Variants in TMEM81 observed in about 807,000 individuals in gnomAD.
TMEM81 encodes the protein transmembrane protein 81.
For missense variants in TMEM81, 294 were observed against 300.5 expected (o/e 0.98, Z 0.16); for synonymous variants, 132 against 119.1 (o/e 1.11, Z -0.71).
chr1:205,084,072 G>C lies in TMEM81; in HGVS notation c.249C>G (p.Thr83=). ...KCQTRRLECL[T]NWICGMLHFT... is the part of the protein sequence containing the mutation. The stretch of plus-strand genomic sequence containing the variant: ...AATGGAGCATCCCACAGATCCAGTT[G>C]GTCAGACATTCTAAGCGCCGAGTCT... The change falls in exon 1 of 1, where the codon ACC becomes ACG. Residue 83 remains threonine (T), a synonymous_variant. Transcript: ENST00000367167. 6.2e-7 allele frequency: 1 copy of C among 1,614,166 alleles called. No homozygotes were observed. The highest frequency in any genetic ancestry group is 8.5e-7 in the Non-Finnish European group (1 of 1,180,028).
At position 205,083,438 on chromosome 1, in the gene TMEM81, A is replaced by G. The variant is rs199577492; in HGVS notation, c.*115T>C. On this transcript the variant is annotated 3_prime_UTR_variant, in exon 1 of 1. Transcript: ENST00000367167. ...TCCCACTCATTCTTTTGGCTGTGGG[A>G]GTGTTCCCTCTAAGCTGATCCACTA... 1 of 1,188,090 alleles carries G rather than the reference A, an allele frequency of 8.4e-7. No individual in the cohort carries two copies. Among genetic ancestry groups the G allele is most frequent in the Non-Finnish European group, 1.2e-6 (1 of 853,784 alleles). The allele number at this position is 1,188,090 out of a possible 1,614,324, so 73.6% of individuals were successfully genotyped here. A position where few individuals can be genotyped will look rare whatever the true frequency, so the allele number is the denominator to read the frequency against.
In TMEM81 at chr1:205,084,036, G is replaced by C; in HGVS notation, c.285C>G (p.Leu95=). 6.2e-7 allele frequency: 1 copy of C among 1,614,234 alleles called. No individual in the cohort carries two copies. The highest frequency in any genetic ancestry group is 2.2e-5 in the East Asian group (1 of 44,892). The change falls in exon 1 of 1, where the codon CTC becomes CTG. Residue 95 remains leucine, a synonymous_variant. Transcript: ENST00000367167. ...AGCTAAGCTCAAATTCCTTGCCAATGAGAATGGTGAAATGGAGCATCCCAC... is the reference window on the plus strand; with the variant it reads ...AGCTAAGCTCAAATTCCTTGCCAATCAGAATGGTGAAATGGAGCATCCCAC... ...WICGMLHFTI[L]IGKEFELSCL... is the part of the protein sequence containing the mutation.
At position 205,084,372 on chromosome 1, in the gene TMEM81, C is replaced by G. The variant is rs747574203; in HGVS notation, c.-52G>C. 4 of 1,547,148 alleles carry G rather than the reference C, an allele frequency of 2.6e-6. No individual in the cohort carries two copies. Among genetic ancestry groups the G allele is most frequent in the Non-Finnish European group, 3.5e-6 (4 of 1,145,254 alleles). On this transcript the variant is annotated 5_prime_UTR_variant, in exon 1 of 1. Transcript: ENST00000367167. ...AGCCAGCACCCACAAGGTATTCCAGCTGAATCCTCTATAAATCATAACTTG... is the reference window on the plus strand; with the variant it reads ...AGCCAGCACCCACAAGGTATTCCAGGTGAATCCTCTATAAATCATAACTTG...
Position 205,083,493 on chromosome 1 carries a change from T to G in TMEM81, c.*60A>C. ...CAGCTGGAACACTCCCCTAAAAAGC[T>G]AGCTTGGCTTCCTGGGCAGCCAGTT... On this transcript the variant is annotated 3_prime_UTR_variant, in exon 1 of 1. Coordinates refer to ENST00000367167, the MANE Select transcript of TMEM81 (RefSeq NM_203376.2). 1 of 1,534,118 alleles carries G rather than the reference T, an allele frequency of 6.5e-7. No homozygotes were observed. The highest frequency in any genetic ancestry group is 8.8e-7 in the Non-Finnish European group (1 of 1,140,728).
Position 205,084,052 on chromosome 1 carries a change from A to C in TMEM81, c.269T>G (p.Leu90Arg). The part of the protein sequence containing the change: ...ECLTNWICGM[L>R]HFTILIGKEF... ...CTTGCCAATGAGAATGGTGAAATGGAGCATCCCACAGATCCAGTTGGTCAG... is the reference window on the plus strand; with the variant it reads ...CTTGCCAATGAGAATGGTGAAATGGCGCATCCCACAGATCCAGTTGGTCAG... The change falls in exon 1 of 1, where the codon CTC (leucine) becomes CGC (arginine). Residue 90 changes from leucine (L) to arginine (R), a missense_variant. By Grantham distance (102) the Leu-to-Arg change is moderately radical (BLOSUM62 -2). Coordinates refer to ENST00000367167, the MANE Select transcript of TMEM81 (RefSeq NM_203376.2). 2 of 1,614,180 alleles carry C rather than the reference A, an allele frequency of 1.2e-6. No homozygotes were observed. Among genetic ancestry groups the C allele is most frequent in the Non-Finnish European group, 1.7e-6 (2 of 1,180,032 alleles).
Position 205,083,470 on chromosome 1 carries a change from G to C in TMEM81, c.*83C>G. The C allele has an allele frequency of 1.4e-6, 2 of 1,471,542 alleles. No homozygotes were observed. The highest frequency in any genetic ancestry group is 1.8e-6 in the Non-Finnish European group (2 of 1,091,894). The allele number at this position is 1,471,542 out of a possible 1,614,324, so 91.2% of individuals were successfully genotyped here. ...CCTCTAAGCTGATCCACTACCAGCA[G>C]CTGGAACACTCCCCTAAAAAGCTAG... On this transcript the variant is annotated 3_prime_UTR_variant, in exon 1 of 1. Transcript: ENST00000367167.
In TMEM81 at chr1:205,083,634, T is replaced by A; in HGVS notation, c.687A>T (p.Gly229=). The change falls in exon 1 of 1, where the codon GGA becomes GGT. Residue 229 remains glycine (G), a synonymous_variant. Transcript: ENST00000367167. ...KWKKKVASAL[G]IGIAIGVVGG... The stretch of plus-strand genomic sequence containing the variant: ...CAACCACTCCAATGGCAATTCCTAT[T>A]CCCAAGGCTGACGCCACCTTCTTTT... 1 of 1,614,212 alleles carries A rather than the reference T, an allele frequency of 6.2e-7. No homozygotes were observed. The highest frequency in any genetic ancestry group is 8.5e-7 in the Non-Finnish European group (1 of 1,180,042).
rs1386575651 is a variant in TMEM81, at chr1:205,084,317, T to G, written c.4A>C (p.Lys2Gln). Reference protein sequence around the residue: MKVLATSFVLGS... With the variant: MQVLATSFVLGS... ...AGGACAAAACTAGTGGCTAAAACCT[T>G]CATGTCTCGGTAGGCGTTTTGCCAC... Residue 2 changes from lysine to glutamine, a missense_variant, in exon 1 of 1, where the codon AAG (lysine) becomes CAG (glutamine). Lys to Gln is a moderately conservative substitution (Grantham distance 53, BLOSUM62 1). Transcript: ENST00000367167. 5 of 1,611,142 alleles carry G rather than the reference T, an allele frequency of 3.1e-6. No individual in the cohort carries two copies. The highest frequency in any genetic ancestry group is 4.2e-6 in the Non-Finnish European group (5 of 1,178,346).
At position 205,084,010 on chromosome 1, in the gene TMEM81, C is replaced by G. The variant is rs759122151; in HGVS notation, c.311G>C (p.Cys104Ser). ...AAACTCCAAGATGTCTGAACTCAGA[C>G]AGCTAAGCTCAAATTCCTTGCCAAT... ...ILIGKEFELS[C>S]LSSDILEFGQ... is the part of the protein sequence containing the mutation. The change falls in exon 1 of 1, where the codon TGT (cysteine) becomes TCT (serine). Residue 104 changes from cysteine (C) to serine (S), a missense_variant. Transcript: ENST00000367167. 2 of 1,614,106 alleles carry G rather than the reference C, an allele frequency of 1.2e-6. No homozygotes were observed. Among genetic ancestry groups the G allele is most frequent in the African/African-American group, 1.3e-5 (1 of 74,940 alleles).
In TMEM81 at chr1:205,084,415, T is replaced by C. The variant is rs985699700; in HGVS notation, c.-95A>G. On this transcript the variant is annotated 5_prime_UTR_variant, in exon 1 of 1. In the 5' UTR this introduces an upstream ATG that the reference lacks. Transcript: ENST00000367167. ...ATAACTTGATTCCTTTGACATGAGA[T>C]ATCCTTCAAAGTCAAAAGATATGAT... 7 of 1,328,154 alleles carry C rather than the reference T, an allele frequency of 5.3e-6. No individual in the cohort carries two copies. Among genetic ancestry groups the C allele is most frequent in the South Asian group, 1.4e-5 (1 of 69,532 alleles). The allele number at this position is 1,328,154 out of a possible 1,614,324, so 82.3% of individuals were successfully genotyped here.
In TMEM81 at chr1:205,084,392, A is replaced by T; in HGVS notation, c.-72T>A. The T allele has an allele frequency of 6.8e-7, 1 of 1,476,584 alleles. No homozygotes were observed. The highest frequency in any genetic ancestry group is 2.2e-5 in the Admixed American group (1 of 46,262). 91.5% of individuals were successfully genotyped at this position (1,476,584 alleles called of 1,614,324 possible). A position where few individuals can be genotyped will look rare whatever the true frequency, so the allele number is the denominator to read the frequency against. ...TCCAGCTGAATCCTCTATAAATCAT[A>T]ACTTGATTCCTTTGACATGAGATAT... is the stretch of plus-strand genomic sequence containing the variant. On this transcript the variant is annotated 5_prime_UTR_variant, in exon 1 of 1. Transcript: ENST00000367167.
Position 205,084,187 on chromosome 1 carries a change from T to C in TMEM81, c.134A>G (p.Asn45Ser), listed in dbSNP as rs146670139. The change falls in exon 1 of 1, where the codon AAT becomes AGT. Residue 45 changes from asparagine to serine, a missense_variant. Asn to Ser is a conservative substitution (Grantham distance 46, BLOSUM62 1). Coordinates refer to ENST00000367167, the MANE Select transcript of TMEM81 (RefSeq NM_203376.2). ...LQEAVGKVII[N>S]ATTCTVTCGL... ...ACAGGTGACAGTACAGGTTGTGGCATTGATGATAACTTTCCCCACAGCTTC... is the reference window on the plus strand; with the variant it reads ...ACAGGTGACAGTACAGGTTGTGGCACTGATGATAACTTTCCCCACAGCTTC... 479 of 1,614,204 alleles carry C rather than the reference T, an allele frequency of 3.0e-4. 1 individual carries two copies. The African/African-American group carries it at 4.3e-3, about 14-fold the overall frequency.
Position 205,084,275 on chromosome 1 carries a change from C to A in TMEM81, c.46G>T (p.Ala16Ser), listed in dbSNP as rs748761523. ...TSFVLGSLGL[A>S]FYLPLVVTTP... is the part of the protein sequence containing the mutation. ...GTCACCACCAAAGGCAGGTAGAAGG[C>A]CAACCCCAGGCTCCCAAGGACAAAA... The change falls in exon 1 of 1, where the codon GCC becomes TCC. Residue 16 changes from alanine (A) to serine (S), a missense_variant. By Grantham distance (99) the Ala-to-Ser change is moderately conservative. Transcript: ENST00000367167. The A allele has an allele frequency of 1.9e-6, 3 of 1,613,924 alleles. No homozygotes were observed. In the Admixed American group the frequency reaches 5.0e-5, roughly 27 times the overall value.
rs10494858 is a variant in TMEM81, at chr1:205,083,595, C to T, written c.726G>A (p.Val242=). ...IAIGVVGGVL[V]RIVLCALRGG... Reference sequence around the variant, plus strand: ...CCCTTAGCGCACAGAGGACAATCCTCACCAACACGCCACCAACCACTCCAA... The same window carrying T: ...CCCTTAGCGCACAGAGGACAATCCTTACCAACACGCCACCAACCACTCCAA... The change falls in exon 1 of 1, where the codon GTG becomes GTA. Residue 242 remains valine, a synonymous_variant. Coordinates refer to ENST00000367167, the MANE Select transcript of TMEM81 (RefSeq NM_203376.2). The T allele has an allele frequency of 0.051, 82,293 of 1,613,868 alleles. 4,452 individuals are homozygous for T. Among genetic ancestry groups the T allele is most frequent in the African/African-American group, 0.24 (17,776 of 74,974 alleles).
Position 205,084,327 on chromosome 1 carries a change from G to A in TMEM81, c.-7C>T. On this transcript the variant is annotated 5_prime_UTR_variant, in exon 1 of 1. Transcript: ENST00000367167. ...TAGTGGCTAAAACCTTCATGTCTCGGTAGGCGTTTTGCCACCCTCAGCCAG... is the reference window on the plus strand; with the variant it reads ...TAGTGGCTAAAACCTTCATGTCTCGATAGGCGTTTTGCCACCCTCAGCCAG... The A allele has an allele frequency of 2.5e-6, 4 of 1,608,144 alleles. No homozygotes were observed. Among genetic ancestry groups the A allele is most frequent in the Non-Finnish European group, 3.4e-6 (4 of 1,176,614 alleles).
rs771896914 is a variant in TMEM81, at chr1:205,084,305, T to C, written c.16A>G (p.Thr6Ala). ...CCCAGGCTCCCAAGGACAAAACTAG[T>C]GGCTAAAACCTTCATGTCTCGGTAG... Reference protein sequence around the residue: MKVLATSFVLGSLGLA... With the variant: MKVLAASFVLGSLGLA... Residue 6 changes from threonine to alanine, a missense_variant, in exon 1 of 1, where the codon ACT (threonine) becomes GCT (alanine). Coordinates refer to ENST00000367167, the MANE Select transcript of TMEM81 (RefSeq NM_203376.2). The C allele has an allele frequency of 6.2e-7, 1 of 1,613,560 alleles. No individual in the cohort carries two copies. The highest frequency in any genetic ancestry group is 8.5e-7 in the Non-Finnish European group (1 of 1,179,720).
rs991504131 is a variant in TMEM81 at position 205,083,401 on chromosome 1, C to T, written c.*152G>A. ...CTGCGCATAGCTCCCAGGAGATTGT[C>T]CCCTCCATTTCTCCCACTCATTCTT... On this transcript the variant is annotated 3_prime_UTR_variant, in exon 1 of 1. Transcript: ENST00000367167. 7.3e-6 allele frequency: 6 copies of T among 820,250 alleles called. No individual in the cohort carries two copies. Among genetic ancestry groups the T allele is most frequent in the Non-Finnish European group, 1.1e-5 (6 of 537,580 alleles). 50.8% of individuals were successfully genotyped at this position (820,250 alleles called of 1,614,324 possible).
chr1:205,083,408 ATTTCTCCCACT>A lies in TMEM81; in HGVS notation c.*134_*144del. On this transcript the variant is annotated 3_prime_UTR_variant, in exon 1 of 1. Coordinates refer to ENST00000367167, the MANE Select transcript of TMEM81 (RefSeq NM_203376.2). ...TAGCTCCCAGGAGATTGTCCCCTCC[ATTTCTCCCACT>A]CATTCTTTTGGCTGTGGGAGTGTTC... 1.1e-6 allele frequency: 1 copy of A among 895,702 alleles called. No homozygotes were observed. The highest frequency in any genetic ancestry group is 2.9e-5 in the Admixed American group (1 of 35,082). The allele number at this position is 895,702 out of a possible 1,614,324, so 55.5% of individuals were successfully genotyped here.
rs756827731 is a variant in TMEM81 at position 205,083,613 on chromosome 1, C to T, written c.708G>A (p.Val236=). ...SALGIGIAIG[V]VGGVLVRIVL... ...CAATCCTCACCAACACGCCACCAAC[C>T]ACTCCAATGGCAATTCCTATTCCCA... Residue 236 remains valine (V), a synonymous_variant, in exon 1 of 1, where the codon GTG becomes GTA. Transcript: ENST00000367167. The T allele has an allele frequency of 6.2e-7, 1 of 1,614,076 alleles. No individual in the cohort carries two copies. Among genetic ancestry groups the T allele is most frequent in the Non-Finnish European group, 8.5e-7 (1 of 1,180,044 alleles).
Sources: gnomAD v4.1 joint callset for allele counts on GRCh38, gnomAD v4.1.1 for gene constraint, MANE v1.5 for transcripts, NCBI Gene and HGNC (gene_info 2026-07-23, HGNC 2026-07-21) for gene names.